CAPN8: variants seen among roughly 807,000 people sequenced by gnomAD.
CAPN8 encodes the protein calpain 8, also known as calpain-8.
A neutral mutation model predicts 80.9 loss-of-function variants in CAPN8; 87 were observed. The observed-to-expected ratio is 1.07, with a 90% confidence interval of 0.90 to 1.28. The LOEUF is 1.28. Among genes scored for constraint, CAPN8 ranks in the 50% most tolerant of loss-of-function variants. The pLI is 0.00. For synonymous variants in CAPN8, 299 were observed against 273.8 expected, an observed-to-expected ratio of 1.09 and a Z score of -0.91; for missense variants, 757 against 702.0, an observed-to-expected ratio of 1.08 and a Z score of -0.89.
chr1:223,547,895 A>T (rs1656666724), intron 16 of CAPN8, among the ~76,000 whole-genome samples: 3 of 152,228 alleles, frequency 2.0e-5, no homozygotes, highest in Non-Finnish European at 4.4e-5. Context: ...GTGAATCAAT[A>T]CTTAACAGTT....
At chr1:223,626,890 A>C (rs1192310323) in intron 5 of CAPN8, 99 bp downstream of exon 5, 15 of 1,311,336 alleles carry the variant, frequency 1.1e-5, no homozygotes, top group Non-Finnish European at 1.5e-5. Flanking sequence ...TCTGACCCAA[A>C]GCCTTCCTAG....
chr1:223,635,146 A>G (rs1005470074), intron 2 of CAPN8, among the ~76,000 whole-genome samples: 2 of 152,222 alleles, frequency 1.3e-5, no homozygotes, highest in African/African-American at 2.4e-5. Flanking sequence ...ATATTTTATC[A>G]CAGCTGAGGC....
intron 14 of CAPN8, among the ~76,000 whole-genome samples, chr1:223,552,576 A>AAAC (rs1344266112): frequency 6.6e-6 from 1 of 151,460 alleles, no homozygotes; most frequent in African/African-American, 2.4e-5. Flanking sequence ...AAAAAAAAAA[A>AAAC]AAAAAGACTT....
chr1:223,646,684 G>C (rs1297051016), intron 2 of CAPN8, among the ~76,000 whole-genome samples: 2 of 152,128 alleles, frequency 1.3e-5, no homozygotes, highest in Non-Finnish European at 2.9e-5. Flanking sequence ...GGGACAGCAG[G>C]GTACCCCTCG....
chr1:223,655,778 G>A (rs1658469814), intron 1 of CAPN8, among the ~76,000 whole-genome samples: 1 of 152,134 alleles, frequency 6.6e-6, no homozygotes. Context: ...CTACGTACTG[G>A]TTCCTAAAGA....
chr1:223,662,736 A>G (rs187753303), intron 1 of CAPN8, among the ~76,000 whole-genome samples: 4 of 152,344 alleles, frequency 2.6e-5, no homozygotes, highest in South Asian at 2.1e-4. Flanking sequence ...AATGCACCAC[A>G]TTTCTGGATA....
In CAPN8 at chr1:223,641,994, A is replaced by G. The variant is rs140017774; in HGVS notation, c.307+12336T>C. ...CACCACCATTCAACACCGTGGGCCC[A>G]CCTCCTACTGTACTTGTAAATTAAG... is the stretch of plus-strand genomic sequence containing the variant. On this transcript the variant is annotated intron_variant, in intron 2 of 20. Transcript: ENST00000366872. Among the ~76,000 whole-genome samples the G allele has an allele frequency of 3.2e-3, 492 of 152,218 alleles. 11 individuals are homozygous for G. The East Asian group carries it at 0.04, about 12-fold the overall frequency.
chr1:223,644,071 AT>A (rs1402137603), intron 2 of CAPN8: 1 of 226,710 alleles, frequency 4.4e-6, no homozygotes, highest in African/African-American at 2.3e-5. Context: ...AAAACAAACT[AT>A]ATCCTTCTCA....
chr1:223,657,221 G>A (rs1214119486), intron 1 of CAPN8, among the ~76,000 whole-genome samples: 2 of 152,090 alleles, frequency 1.3e-5, no homozygotes, highest in Non-Finnish European at 2.9e-5. Context: ...GCCAATCTGG[G>A]TGTTCTAAAA....
chr1:223,652,130 T>G (rs896619606), intron 2 of CAPN8, among the ~76,000 whole-genome samples: 5 of 151,960 alleles, frequency 3.3e-5, no homozygotes, highest in Non-Finnish European at 7.4e-5. Flanking sequence ...ATCAACTGTT[T>G]TAAAAAAATC....
At chr1:223,650,175 C>T (rs1008405858) in intron 2 of CAPN8, among the ~76,000 whole-genome samples, 2 of 152,138 alleles carry the variant, frequency 1.3e-5, no homozygotes. Context: ...GGGAAAGATG[C>T]CAGGGTCATG....
chr1:223,624,872 A>G (rs1657516867), intron 6 of CAPN8, among the ~76,000 whole-genome samples: 1 of 152,166 alleles, frequency 6.6e-6, no homozygotes, highest in Non-Finnish European at 1.5e-5. Flanking sequence ...AGGCGGGCAG[A>G]TCATGAGGTC....
chr1:223,627,254 G>A, intron 4 of CAPN8, 97 bp from the exon 5 acceptor site: 1 of 1,316,054 alleles, frequency 7.6e-7, no homozygotes, highest in East Asian at 2.5e-5. Context: ...CTGTGGCCTG[G>A]AAGATAAAGG....
intron 2 of CAPN8, among the ~76,000 whole-genome samples, chr1:223,650,930 A>G (rs1658328497): frequency 6.6e-6 from 1 of 152,152 alleles, no homozygotes; most frequent in South Asian, 2.1e-4. Flanking sequence ...TGCAAGGGAG[A>G]GAGACTGTGC....
intron 15 of CAPN8, among the ~76,000 whole-genome samples, chr1:223,549,890 A>G (rs1656737498): frequency 6.6e-6 from 1 of 152,226 alleles, no homozygotes; most frequent in Non-Finnish European, 1.5e-5. Context: ...AGATGCTATC[A>G]TTATACCCAC....
At chr1:223,543,980 A>C in intron 19 of CAPN8, 87 bp downstream of exon 19, 1 of 674,270 alleles carries the variant, frequency 1.5e-6, no homozygotes, top group Non-Finnish European at 2.7e-6. Context: ...CCTAAAGGCA[A>C]TGTCTGGTTC....
intron 2 of CAPN8, among the ~76,000 whole-genome samples, chr1:223,647,029 G>C (rs1269003241): frequency 6.6e-6 from 1 of 151,812 alleles, no homozygotes; most frequent in Admixed American, 6.6e-5. Context: ...CCTCTCATAA[G>C]GTTCAGGGGG....
At chr1:223,628,260 G>A in intron 3 of CAPN8, 118 bp from the exon 4 acceptor site, 1 of 1,201,536 alleles carries the variant, frequency 8.3e-7, no homozygotes. Flanking sequence ...TGGCTCCTTA[G>A]GAGCAGGACA....
chr1:223,625,666 G>T (rs1162350825), intron 6 of CAPN8, 139 bp downstream of exon 6: 2 of 655,534 alleles, frequency 3.1e-6, no homozygotes, highest in Non-Finnish European at 5.5e-6. Context: ...CAGGCAGAGT[G>T]CATCCCAATA....
Sources: allele counts gnomAD v4.1 joint callset (sites outside exome capture counted in the v4.1 genomes callset), GRCh38; gene constraint gnomAD v4.1.1; transcripts MANE v1.5; gene names NCBI Gene and HGNC (gene_info 2026-07-23, HGNC 2026-07-21).